Variants in GAD2 observed in about 807,000 individuals in gnomAD.
GAD2 encodes 65 kDa glutamic acid decarboxylase.
A neutral mutation model predicts 80.1 loss-of-function variants in GAD2; 22 were observed. The ratio of observed to expected loss-of-function variants is 0.27; its 90% CI spans 0.20 to 0.39. The LOEUF is 0.39. Ranked by LOEUF, GAD2 falls within the 10% of genes least tolerant of loss-of-function variation. The pLI, the probability that GAD2 is intolerant of heterozygous loss-of-function variation, is 1.00. For synonymous variants in GAD2, 274 were observed against 256.9 expected (o/e 1.07, Z -0.64); for missense variants, 624 against 738.4 (o/e 0.85, Z 1.80).
chr10:26,272,852 A>G (rs1278635725), intron 10 of GAD2, among the ~76,000 whole-genome samples: 2 of 152,230 alleles, frequency 1.3e-5, no homozygotes, highest in Non-Finnish European at 2.9e-5. Context: ...CAACAAGAGC[A>G]AAACTCTGTC....
upstream of GAD2, chr10:26,216,560 C>G (rs536855933): frequency 1.6e-5 from 6 of 365,196 alleles, no homozygotes; most frequent in African/African-American, 1.3e-4. The surrounding 1 kb of genome is among the most constrained non-coding windows in gnomAD (Gnocchi z 4.7). Flanking sequence ...GTCCCGGTCT[C>G]TTTTAAAGCT....
At chr10:26,286,769 C>G (rs933744598) in intron 13 of GAD2, among the ~76,000 whole-genome samples, 3 of 152,162 alleles carry the variant, frequency 2.0e-5, no homozygotes, top group African/African-American at 7.2e-5. Flanking sequence ...TGAATTTTAA[C>G]AGGTGTTTAT....
intron 3 of GAD2, 148 bp downstream of exon 3, chr10:26,218,139 G>A (rs1589135379): frequency 3.5e-6 from 3 of 864,166 alleles, no homozygotes; most frequent in African/African-American, 1.8e-5. Context: ...AGATAAAAGC[G>A]AGAAATGCGG....
intron 7 of GAD2, among the ~76,000 whole-genome samples, chr10:26,231,044 C>T (rs8190642): frequency 0.02 from 3,118 of 152,158 alleles, 113 homozygotes; most frequent in African/African-American, 0.067. Context: ...GAGAAGAGAT[C>T]GCATCACTGC....
intron 8 of GAD2, among the ~76,000 whole-genome samples, chr10:26,268,400 G>A (rs542395678): frequency 4.6e-5 from 7 of 151,180 alleles, no homozygotes; most frequent in East Asian, 3.9e-4. Flanking sequence ...CCCGGGAGGC[G>A]GAGCTTGCAG....
At chr10:26,258,454 G>A (rs1460444945) in intron 8 of GAD2, among the ~76,000 whole-genome samples, 5 of 151,986 alleles carry the variant, frequency 3.3e-5, no homozygotes, top group Non-Finnish European at 5.9e-5. Flanking sequence ...ACATATTGTC[G>A]TGCAACCATC....
In GAD2 at chr10:26,303,464, G is replaced by GAGGGAGGAAGGGAGGGAGGGAGGA; in HGVS notation, c.*2508_*2509insGGAAGGGAGGGAGGGAGGAAGGGA. On this transcript the variant is annotated 3_prime_UTR_variant, in exon 16 of 16. Coordinates refer to ENST00000376261, the MANE Select transcript of GAD2 (RefSeq NM_001134366.2). Reference sequence around the variant, plus strand: ...GGAGGAAGGGAGGGAGGGAGGGAGGGAGGGAAGGAGGGAGGGAGGAAGGAA... The same window carrying GAGGGAGGAAGGGAGGGAGGGAGGA: ...GGAGGAAGGGAGGGAGGGAGGGAGGGAGGGAGGAAGGGAGGGAGGGAGGAAGGGAAGGAGGGAGGGAGGAAGGAA... 8.6e-6 allele frequency: 1 copy of GAGGGAGGAAGGGAGGGAGGGAGGA among 116,184 alleles called. No homozygotes were observed. The highest frequency in any genetic ancestry group is 2.5e-4 in the East Asian group (1 of 3,924). The allele number at this position is 116,184 out of a possible 1,614,324, so 7.2% of individuals were successfully genotyped here. A position where few individuals can be genotyped will look rare whatever the true frequency, so the allele number is the denominator to read the frequency against.
At chr10:26,230,799 A>G (rs1844591624) in intron 7 of GAD2, among the ~76,000 whole-genome samples, 1 of 152,044 alleles carries the variant, frequency 6.6e-6, no homozygotes, top group Non-Finnish European at 1.5e-5. Flanking sequence ...ATAAAGAAAT[A>G]GCACCGTACC....
intron 7 of GAD2, among the ~76,000 whole-genome samples, chr10:26,237,598 C>G (rs1844690921): frequency 6.6e-6 from 1 of 152,116 alleles, no homozygotes; most frequent in Non-Finnish European, 1.5e-5. Flanking sequence ...ATGTGCCCTT[C>G]CTCCCAAAGT....
chr10:26,222,613 A>C (rs538694961), intron 4 of GAD2, among the ~76,000 whole-genome samples: 7 of 152,320 alleles, frequency 4.6e-5, no homozygotes, highest in African/African-American at 1.7e-4. Context: ...GAGGGGTACC[A>C]CACGAGGCCA....
At chr10:26,216,457 C>G (rs1844370272), upstream of GAD2, 1 of 180,048 alleles carries the variant, frequency 5.6e-6, no homozygotes, top group South Asian at 1.6e-4. This position sits in a 1 kb window ranked among gnomAD's most constrained non-coding sequence, Gnocchi z 4.7. Context: ...TCCTCCGCCG[C>G]CCCCTCATTC....
chr10:26,218,304 C>A (rs950411829), intron 3 of GAD2: 10 of 298,896 alleles, frequency 3.3e-5, no homozygotes, highest in African/African-American at 2.2e-4. Context: ...CGGCTGGCTT[C>A]CCTAGGCCGC....
At chr10:26,261,899 A>G (rs897000269) in intron 8 of GAD2, among the ~76,000 whole-genome samples, 8 of 152,210 alleles carry the variant, frequency 5.3e-5, no homozygotes, top group African/African-American at 1.9e-4. Context: ...TCTATTGATA[A>G]GATGAGTTGT....
intron 6 of GAD2, among the ~76,000 whole-genome samples, chr10:26,225,546 T>C (rs1844510195): frequency 6.6e-6 from 1 of 152,088 alleles, no homozygotes; most frequent in South Asian, 2.1e-4. Flanking sequence ...GCAACACCTG[T>C]CGTTGTGTCA....
intron 9 of GAD2, among the ~76,000 whole-genome samples, chr10:26,269,622 CTT>C (rs750779767): frequency 3.3e-5 from 5 of 152,332 alleles, no homozygotes; most frequent in East Asian, 1.9e-4. Flanking sequence ...ATTTAGAACT[CTT>C]TTCAGAAGTA....
rs184027366 is a variant in GAD2 at position 26,292,540 on chromosome 10, C to T, written c.1462C>T (p.Arg488Ter). 1 of 1,613,728 alleles carries T rather than the reference C, an allele frequency of 6.2e-7. No individual in the cohort carries two copies. Among genetic ancestry groups the T allele is most frequent in the African/African-American group, 1.3e-5 (1 of 74,994 alleles). ...AEYLYNIIKN[R>*]EGYEMVFDGK... Reference sequence around the variant, plus strand: ...GTATTTATACAACATCATAAAAAACCGAGAAGGATATGAGATGGTGTTTGA... The same window carrying T: ...GTATTTATACAACATCATAAAAAACTGAGAAGGATATGAGATGGTGTTTGA... The change falls in exon 14 of 16, where the codon CGA becomes TGA. Residue 488 changes from arginine (R) to a stop codon, truncating the protein, a stop_gained. Transcript: ENST00000376261. LOFTEE classifies it high-confidence loss of function.
intron 9 of GAD2, among the ~76,000 whole-genome samples, chr10:26,270,392 C>T (rs181728743): frequency 7.2e-5 from 11 of 152,250 alleles, no homozygotes; most frequent in Admixed American, 2.6e-4. Flanking sequence ...TTCACTACAG[C>T]CTCTTCTGAG....
chr10:26,260,364 C>T (rs1034969896), intron 8 of GAD2, among the ~76,000 whole-genome samples: 5 of 152,132 alleles, frequency 3.3e-5, no homozygotes, highest in African/African-American at 1.2e-4. Flanking sequence ...GTACATGGCT[C>T]ACCCCTGTAA....
At chr10:26,251,582 T>C (rs1271411050) in intron 8 of GAD2, among the ~76,000 whole-genome samples, 2 of 152,390 alleles carry the variant, frequency 1.3e-5, no homozygotes, top group African/African-American at 4.8e-5. Flanking sequence ...GTGTTACTGT[T>C]ACGAATAACC....
Sources: allele counts gnomAD v4.1 joint callset (sites outside exome capture counted in the v4.1 genomes callset), GRCh38; gene constraint gnomAD v4.1.1; non-coding constraint Gnocchi (gnomAD v3.1); transcripts MANE v1.5; gene names NCBI Gene and HGNC (gene_info 2026-07-23, HGNC 2026-07-21).